Variants in CYP4F22 observed in about 807,000 individuals in gnomAD.
The protein encoded by CYP4F22 is ultra-long-chain fatty acid omega-hydroxylase.
Under a neutral mutation model 60.4 loss-of-function variants are expected in CYP4F22, and 37 were observed. The ratio of observed to expected loss-of-function variants is 0.61; its 90% CI spans 0.47 to 0.81. The LOEUF (loss-of-function observed/expected upper bound fraction) is 0.81, where lower values mean the gene tolerates loss of function less well. CYP4F22 is among the 30% of genes least tolerant of loss of function. The pLI is 0.00. For missense variants in CYP4F22, 655 were observed against 715.0 expected (o/e 0.92, Z 0.96); for synonymous variants, 258 against 280.5 (o/e 0.92, Z 0.80).
chr19:15,525,199 TG>T, intron 2 of CYP4F22, 136 bp from the exon 3 acceptor site: 2 of 815,114 alleles, frequency 2.5e-6, no homozygotes, highest in African/African-American at 1.7e-5. Flanking sequence ...AGATCATGGC[TG>T]GGGGATGAAG....
At chr19:15,538,907 T>C (rs973979177) in intron 7 of CYP4F22, among the ~76,000 whole-genome samples, 1 of 152,106 alleles carries the variant, frequency 6.6e-6, no homozygotes, top group Non-Finnish European at 1.5e-5. Context: ...GTAATAACCA[T>C]GAACAAGTAA....
chr19:15,513,245 G>A (rs750134493), intron 1 of CYP4F22, among the ~76,000 whole-genome samples: 45 of 151,328 alleles, frequency 3.0e-4, no homozygotes, highest in East Asian at 3.9e-4. Context: ...GCATGTTCTC[G>A]GCTCACTGCA....
At position 15,540,430 on chromosome 19, in the gene CYP4F22, GA is replaced by G; in HGVS notation, c.672-19del. 3 of 1,614,042 alleles carry G rather than the reference GA, an allele frequency of 1.9e-6. No homozygotes were observed. Among genetic ancestry groups the G allele is most frequent in the Non-Finnish European group, 2.5e-6 (3 of 1,180,004 alleles). ...GCTAGGGGAAGGGGCTACACTCATGGATCCCCTTCTCCTTGGCAGGAAGATG... is the reference window on the plus strand; with the variant it reads ...GCTAGGGGAAGGGGCTACACTCATGGTCCCCTTCTCCTTGGCAGGAAGATG... On this transcript the variant is annotated intron_variant, in intron 7 of 13. Coordinates refer to ENST00000269703, the MANE Select transcript of CYP4F22 (RefSeq NM_173483.4).
At chr19:15,514,109 A>C in intron 1 of CYP4F22, among the ~76,000 whole-genome samples, 1 of 152,208 alleles carries the variant, frequency 6.6e-6, no homozygotes, top group East Asian at 1.9e-4. Context: ...TAAAAATGGA[A>C]GCAAATGATC....
chr19:15,509,899 TCC>T (rs1491460267), intron 1 of CYP4F22, among the ~76,000 whole-genome samples: 140 of 117,126 alleles, frequency 1.2e-3, no homozygotes, highest in Middle Eastern at 4.3e-3. Context: ...CTTCCTTCCT[TCC>T]TTCCTTTCTT....
At position 15,518,698 on chromosome 19, in the gene CYP4F22, A is replaced by G. The variant is rs548944725; in HGVS notation, c.-108-4995A>G. Among the ~76,000 whole-genome samples, 1,121 of 150,740 alleles carry G rather than the reference A, an allele frequency of 7.4e-3. 24 individuals are homozygous for G. Among genetic ancestry groups the G allele is most frequent in the African/African-American group, 0.025 (1,041 of 40,980 alleles). On this transcript the variant is annotated intron_variant, in intron 1 of 13. Coordinates refer to ENST00000269703, the MANE Select transcript of CYP4F22 (RefSeq NM_173483.4). ...ACAAAACAAAACACAGAAAAAAAAA[A>G]AAAAGAAAAACCGTGAAAACAAAAG...
intron 12 of CYP4F22, among the ~76,000 whole-genome samples, chr19:15,549,576 C>G (rs980491265): frequency 6.6e-6 from 1 of 152,106 alleles, no homozygotes; most frequent in African/African-American, 2.4e-5. Context: ...ACTTGTAATC[C>G]CAGCACTTTG....
In CYP4F22 at chr19:15,551,512, GC is replaced by G; in HGVS notation, c.*46del. On this transcript the variant is annotated 3_prime_UTR_variant, in exon 14 of 14. Coordinates refer to ENST00000269703, the MANE Select transcript of CYP4F22 (RefSeq NM_173483.4). ...TGCGGCTCCCGAGGGTCCAGGCCCC[GC>G]CCCCAAAGGACCAGGACTCGCCCCA... The G allele has an allele frequency of 1.3e-6, 2 of 1,539,400 alleles. No homozygotes were observed. The highest frequency in any genetic ancestry group is 1.7e-6 in the Non-Finnish European group (2 of 1,143,372).
At chr19:15,532,318 T>TCTC (rs1221234847) in intron 4 of CYP4F22, among the ~76,000 whole-genome samples, 1 of 148,778 alleles carries the variant, frequency 6.7e-6, no homozygotes. Context: ...TTCTTCTCCT[T>TCTC]CTCCTCCTTC....
Position 15,508,584 on chromosome 19 carries a change from G to A in CYP4F22, c.-109+1G>A, listed in dbSNP as rs2144486958. The A allele has an allele frequency of 6.6e-6, 1 of 152,586 alleles. No individual in the cohort carries two copies. The highest frequency in any genetic ancestry group is 2.4e-5 in the African/African-American group (1 of 41,598). 9.5% of individuals were successfully genotyped at this position (152,586 alleles called of 1,614,324 possible). On this transcript the variant is annotated splice_donor_variant, in intron 1 of 13. Coordinates refer to ENST00000269703, the MANE Select transcript of CYP4F22 (RefSeq NM_173483.4). LOFTEE classifies it low-confidence loss of function (5UTR_SPLICE). ...GAGGGCAGGAGGCTGAGACCCGCGG[G>A]TGAGTGCGCGCGTGGTGAGGGCTGT...
chr19:15,523,970 G>A (rs983652505), intron 2 of CYP4F22, among the ~76,000 whole-genome samples, 171 bp downstream of exon 2: 2 of 151,948 alleles, frequency 1.3e-5, no homozygotes, highest in Non-Finnish European at 2.9e-5. Context: ...TGAGACAGGA[G>A]GATCACATGA....
chr19:15,509,854 CTCCT>C (rs201064190), intron 1 of CYP4F22, among the ~76,000 whole-genome samples: 10,913 of 109,954 alleles, frequency 0.099, 664 homozygotes, highest in Non-Finnish European at 0.13. Context: ...GGACCCATCT[CTCCT>C]TCCTTCCTTC....
chr19:15,508,890 G>A (rs1350565881), intron 1 of CYP4F22, among the ~76,000 whole-genome samples: 1 of 151,452 alleles, frequency 6.6e-6, no homozygotes, highest in Non-Finnish European at 1.5e-5. Flanking sequence ...GGGTATCTGT[G>A]ATGGGCAGGG....
rs192304348 is a variant in CYP4F22 at position 15,537,757 on chromosome 19, C to T, written c.549+95C>T. On this transcript the variant is annotated intron_variant, in intron 6 of 13. Transcript: ENST00000269703. ...TGGGCAAGCCATGTGATGTCAGGAG[C>T]CCTCACTGACTTTATCTATAAAATG... is the stretch of plus-strand genomic sequence containing the variant. 18 of 1,605,920 alleles carry T rather than the reference C, an allele frequency of 1.1e-5. No homozygotes were observed. The African/African-American group carries it at 2.4e-4, about 21-fold the overall frequency.
chr19:15,543,861 A>C, intron 8 of CYP4F22, 110 bp from the exon 9 acceptor site: 1 of 364,358 alleles, frequency 2.7e-6, no homozygotes, highest in East Asian at 1.8e-4. Context: ...CATCTCAGAA[A>C]AAAAAAAAAA....
chr19:15,544,306 G>A (rs766415391), intron 10 of CYP4F22, 27 bp downstream of exon 10: 1 of 1,608,278 alleles, frequency 6.2e-7, no homozygotes, highest in African/African-American at 1.3e-5. Context: ...GGGAATGGAG[G>A]GGGCAGGTTG....
At chr19:15,509,904 C>CCTTCCTTCCTTCCTTTCTTTCCTT (rs1323141197) in intron 1 of CYP4F22, among the ~76,000 whole-genome samples, 1 of 86,696 alleles carries the variant, frequency 1.2e-5, no homozygotes, top group Non-Finnish European at 2.5e-5. Flanking sequence ...TTCCTTCCTT[C>CCTTCCTTCCTTCCTTTCTTTCCTT]CTTTCTTTCT....
intron 1 of CYP4F22, among the ~76,000 whole-genome samples, chr19:15,514,395 T>A (rs889624843): frequency 1.3e-5 from 2 of 152,174 alleles, no homozygotes; most frequent in Non-Finnish European, 2.9e-5. Flanking sequence ...AATGAAAATT[T>A]TATATAGTGT....
chr19:15,550,575 C>T, intron 12 of CYP4F22, 99 bp from the exon 13 acceptor site: 1 of 1,218,806 alleles, frequency 8.2e-7, no homozygotes, highest in Non-Finnish European at 1.2e-6. Context: ...TGGGGTGCTC[C>T]CCATCCATCT....
Sources: allele counts gnomAD v4.1 joint callset (sites outside exome capture counted in the v4.1 genomes callset), GRCh38; gene constraint gnomAD v4.1.1; transcripts MANE v1.5; gene names NCBI Gene and HGNC (gene_info 2026-07-23, HGNC 2026-07-21).